CTNNA1: variants seen among roughly 807,000 people sequenced by gnomAD.
CTNNA1 encodes catenin alpha-1.
In CTNNA1, 37 loss-of-function variants were observed where a neutral mutation model predicts 98.4. The observed-to-expected ratio is 0.38, with a 90% CI of 0.29 to 0.49. CTNNA1 has a LOEUF of 0.49. Among genes scored for constraint, CTNNA1 ranks in the 20% least tolerant of loss-of-function variants. The pLI, the probability that CTNNA1 is intolerant of heterozygous loss-of-function variation, is 0.95. For synonymous variants in CTNNA1, 404 were observed against 413.2 expected (o/e 0.98, Z 0.27); for missense variants, 761 against 1,147.2 (o/e 0.66, Z 4.86).
chr5:138,918,050 A>C (rs990021560), intron 11 of CTNNA1, 152 bp downstream of exon 11: 1 of 918,852 alleles, frequency 1.1e-6, no homozygotes, highest in African/African-American at 1.7e-5. Flanking sequence ...TAAAAAAGCT[A>C]TCAGCTACAG....
chr5:138,898,540 C>G (rs961515517), intron 9 of CTNNA1, among the ~76,000 whole-genome samples: 3 of 150,958 alleles, frequency 2.0e-5, no homozygotes, highest in African/African-American at 7.3e-5. Context: ...ATTACAAGAT[C>G]ATCTGAGTGG....
chr5:138,854,594 C>T (rs1329026362), intron 7 of CTNNA1, among the ~76,000 whole-genome samples: 1 of 152,186 alleles, frequency 6.6e-6, no homozygotes, highest in Admixed American at 6.5e-5. Flanking sequence ...TTATGTGGTA[C>T]AGTGAAAATA....
chr5:138,931,687 T>TATTC, intron 16 of CTNNA1: 4 of 985,496 alleles, frequency 4.1e-6, no homozygotes, highest in Non-Finnish European at 4.8e-6. Context: ...CCCGATTTCC[T>TATTC]GTTCTTTCCT....
intron 11 of CTNNA1, among the ~76,000 whole-genome samples, chr5:138,922,727 A>G (rs1313872615): frequency 6.6e-6 from 1 of 152,184 alleles, no homozygotes; most frequent in Non-Finnish European, 1.5e-5. Flanking sequence ...TGTGGAGAGC[A>G]GGCTGGGTGC....
chr5:138,792,748 G>A (rs1161694993), intron 3 of CTNNA1, among the ~76,000 whole-genome samples: 1 of 152,204 alleles, frequency 6.6e-6, no homozygotes, highest in Non-Finnish European at 1.5e-5. Context: ...GGAATGTTGA[G>A]TATGGATTTC....
At chr5:138,828,241 C>T (rs1025584918) in intron 7 of CTNNA1, 24 of 156,788 alleles carry the variant, frequency 1.5e-4, no homozygotes, top group African/African-American at 3.9e-4. Context: ...AAAGTTTTTT[C>T]GTGAACCATA....
chr5:138,873,079 G>A lies in CTNNA1; in HGVS notation c.1063-13133G>A. On this transcript the variant is annotated intron_variant, in intron 7 of 17. Transcript: ENST00000302763. This position sits in a 1 kb window ranked among gnomAD's most constrained non-coding sequence, Gnocchi z 6.1. ...GTCCATAACCATTAATGATGATGAAGGGTCCTTCATGGGTGGGTTCATATT... is the reference window on the plus strand; with the variant it reads ...GTCCATAACCATTAATGATGATGAAAGGTCCTTCATGGGTGGGTTCATATT... 1 of 1,613,922 alleles carries A rather than the reference G, an allele frequency of 6.2e-7. No homozygotes were observed. The highest frequency in any genetic ancestry group is 8.5e-7 in the Non-Finnish European group (1 of 1,179,866).
At chr5:138,759,553 GA>G (rs1315054862) in intron 1 of CTNNA1, among the ~76,000 whole-genome samples, 1 of 152,184 alleles carries the variant, frequency 6.6e-6, no homozygotes, top group African/African-American at 2.4e-5. Context: ...GCTGGAGGGG[GA>G]GGACTTGCAG....
chr5:138,782,679 GCTT>G, intron 2 of CTNNA1, among the ~76,000 whole-genome samples: 1 of 152,266 alleles, frequency 6.6e-6, no homozygotes, highest in Non-Finnish European at 1.5e-5. Flanking sequence ...ATCACTGTAG[GCTT>G]CTTTGGGCAA....
At chr5:138,837,964 G>A (rs1761950396) in intron 7 of CTNNA1, among the ~76,000 whole-genome samples, 1 of 151,840 alleles carries the variant, frequency 6.6e-6, no homozygotes, top group African/African-American at 2.4e-5. Context: ...AGAGCCTAAA[G>A]TATTTGCTAT....
intron 7 of CTNNA1, among the ~76,000 whole-genome samples, chr5:138,885,383 AATATACTTTAT>A (rs1255760177): frequency 9.8e-5 from 15 of 152,302 alleles, no homozygotes; most frequent in Admixed American, 5.2e-4. Flanking sequence ...ACAAGCTTTT[AATATACTTTAT>A]ATATACTTTA....
chr5:138,819,861 G>T (rs538849406), intron 5 of CTNNA1, among the ~76,000 whole-genome samples: 2 of 143,402 alleles, frequency 1.4e-5, no homozygotes, highest in East Asian at 4.7e-4. Context: ...CGGGGGGCGG[G>T]GGGGTGAGTG....
At chr5:138,840,482 A>G (rs938842305) in intron 7 of CTNNA1, among the ~76,000 whole-genome samples, 1 of 152,246 alleles carries the variant, frequency 6.6e-6, no homozygotes, top group Non-Finnish European at 1.5e-5. Flanking sequence ...TTTTAGGGAA[A>G]AATATAATAT....
At chr5:138,911,466 C>T (rs989459232) in intron 10 of CTNNA1, among the ~76,000 whole-genome samples, 1 of 152,026 alleles carries the variant, frequency 6.6e-6, no homozygotes, top group Non-Finnish European at 1.5e-5. Context: ...GGACCCCCCC[C>T]CAATATAATC....
intron 10 of CTNNA1, among the ~76,000 whole-genome samples, chr5:138,911,808 G>C (rs1156749039): frequency 1.3e-5 from 2 of 152,226 alleles, no homozygotes; most frequent in Non-Finnish European, 2.9e-5. Flanking sequence ...ATCCAGGCAA[G>C]AGTACAGTGG....
intron 17 of CTNNA1, chr5:138,932,942 T>C: frequency 1.3e-6 from 1 of 774,346 alleles, no homozygotes; most frequent in Non-Finnish European, 2.3e-6. Context: ...TCCTCCCCTT[T>C]GCTGGCCACT....
chr5:138,758,533 C>T (rs568201697), intron 1 of CTNNA1, among the ~76,000 whole-genome samples: 11 of 152,262 alleles, frequency 7.2e-5, no homozygotes, highest in Non-Finnish European at 1.5e-4. Flanking sequence ...CATGCCACCA[C>T]GCCCAGCTAA....
At chr5:138,868,622 G>C (rs1317474434) in intron 7 of CTNNA1, among the ~76,000 whole-genome samples, 1 of 152,212 alleles carries the variant, frequency 6.6e-6, no homozygotes, top group Non-Finnish European at 1.5e-5. Flanking sequence ...GTGAGCCTGG[G>C]ACAGTTGTTT....
At chr5:138,799,767 G>C (rs1235892564) in intron 3 of CTNNA1, among the ~76,000 whole-genome samples, 1 of 151,756 alleles carries the variant, frequency 6.6e-6, no homozygotes, top group Non-Finnish European at 1.5e-5. Context: ...TGTTTCTGAT[G>C]TATTTTTTCA....
Sources: allele counts gnomAD v4.1 joint callset (sites outside exome capture counted in the v4.1 genomes callset), GRCh38; gene constraint gnomAD v4.1.1; non-coding constraint Gnocchi (gnomAD v3.1); transcripts MANE v1.5; gene names NCBI Gene and HGNC (gene_info 2026-07-23, HGNC 2026-07-21).